PTPRT: variants seen among roughly 807,000 people sequenced by gnomAD.
The protein encoded by PTPRT is receptor-type tyrosine-protein phosphatase T.
A neutral mutation model predicts 176.8 loss-of-function variants in PTPRT; 56 were observed. The ratio of observed to expected loss-of-function variants is 0.32; its 90% CI spans 0.26 to 0.40. The LOEUF (loss-of-function observed/expected upper bound fraction) is 0.40. Among genes scored for constraint, PTPRT ranks in the 10% least tolerant of loss-of-function variants. The pLI is 1.00. For missense variants in PTPRT, 1,540 were observed against 1,908.2 expected (o/e 0.81, Z 3.60); for synonymous variants, 783 against 739.0 (o/e 1.06, Z -0.96).
intron 7 of PTPRT, among the ~76,000 whole-genome samples, chr20:42,620,152 T>C (rs1343015683): frequency 6.8e-6 from 1 of 147,512 alleles, no homozygotes; most frequent in African/African-American, 2.6e-5. Flanking sequence ...TTAGTTTTCC[T>C]TCTAACAGAC....
chr20:43,181,984 A>G (rs937289013), intron 1 of PTPRT, among the ~76,000 whole-genome samples: 3 of 152,188 alleles, frequency 2.0e-5, no homozygotes, highest in Non-Finnish European at 4.4e-5. Context: ...ATTACAGTCA[A>G]TCAGAGGAAG....
intron 21 of PTPRT, chr20:42,115,939 T>C (rs943821912): frequency 4.4e-6 from 3 of 683,136 alleles, no homozygotes; most frequent in African/African-American, 3.6e-5. Context: ...TCTCTGACCC[T>C]GGACGCGAGC....
In PTPRT at chr20:42,620,162, C is replaced by T. The variant is rs1030656302; in HGVS notation, c.1153+57704G>A. Among the ~76,000 whole-genome samples, 808 of 147,166 alleles carry T rather than the reference C, an allele frequency of 5.5e-3. 9 individuals carry two copies. Among genetic ancestry groups the T allele is most frequent in the African/African-American group, 0.02 (761 of 38,508 alleles). ...GTTTGTTAGTTTTCCTTCTAACAGA[C>T]AGGACCCTCAGCTGCAGGTCTGTTG... On this transcript the variant is annotated intron_variant, in intron 7 of 30. Coordinates refer to ENST00000373187, the MANE Select transcript of PTPRT (RefSeq NM_007050.6).
At chr20:42,430,872 T>C (rs1601012113) in intron 9 of PTPRT, among the ~76,000 whole-genome samples, 2 of 152,212 alleles carry the variant, frequency 1.3e-5, no homozygotes, top group Admixed American at 6.5e-5. Context: ...AAAGGCCTTC[T>C]TCCCAGACAT....
intron 22 of PTPRT, 46 bp downstream of exon 22, chr20:42,115,153 T>C: frequency 1.5e-6 from 2 of 1,378,902 alleles, no homozygotes; most frequent in Non-Finnish European, 2.1e-6. Context: ...ACAAACAAGC[T>C]GGCTCTCATG....
At chr20:42,739,872 G>A (rs1040247662) in intron 6 of PTPRT, among the ~76,000 whole-genome samples, 4 of 152,170 alleles carry the variant, frequency 2.6e-5, no homozygotes, top group Non-Finnish European at 5.9e-5. Flanking sequence ...ATGCCAGTGG[G>A]AGCCCCACCT....
At position 42,355,411 on chromosome 20, in the gene PTPRT, A is replaced by T. The variant is rs995504188; in HGVS notation, c.1561-3126T>A. ...CCCCATCTCAGGGTCTGCATCTGAG[A>T]ATGACCAAACTAAGGAAAAATGCTC... is the stretch of plus-strand genomic sequence containing the variant. On this transcript the variant is annotated intron_variant, in intron 9 of 30. Coordinates refer to ENST00000373187, the MANE Select transcript of PTPRT (RefSeq NM_007050.6). Among the ~76,000 whole-genome samples, 20 of 152,332 alleles carry T rather than the reference A, an allele frequency of 1.3e-4. 2 individuals are homozygous for T. The highest frequency in any genetic ancestry group is 9.8e-4 in the Admixed American group (15 of 15,302).
intron 7 of PTPRT, among the ~76,000 whole-genome samples, chr20:42,585,274 A>C (rs2073452846): frequency 6.6e-6 from 1 of 152,208 alleles, no homozygotes; most frequent in South Asian, 2.1e-4. Flanking sequence ...TTGTAGAAAG[A>C]ATGAATTAAT....
intron 1 of PTPRT, among the ~76,000 whole-genome samples, chr20:43,077,146 A>G (rs2011299831): frequency 6.6e-6 from 1 of 152,248 alleles, no homozygotes; most frequent in Non-Finnish European, 1.5e-5. Context: ...AATTTGATGA[A>G]TAAACAGATT....
intron 7 of PTPRT, among the ~76,000 whole-genome samples, chr20:42,591,906 G>A (rs926026170): frequency 1.3e-5 from 2 of 151,280 alleles, no homozygotes; most frequent in South Asian, 2.1e-4. Context: ...GGAGGATATA[G>A]CACAAACTTC....
intron 1 of PTPRT, among the ~76,000 whole-genome samples, chr20:43,080,636 G>A (rs2011414989): frequency 6.6e-6 from 1 of 152,190 alleles, no homozygotes; most frequent in Non-Finnish European, 1.5e-5. Context: ...CTGGGAAATG[G>A]CTGCCCAGCC....
Position 42,815,831 on chromosome 20 carries a change from A to T in PTPRT, c.215-24365T>A, listed in dbSNP as rs76371604. Among the ~76,000 whole-genome samples the T allele has an allele frequency of 1.5e-4, 23 of 152,342 alleles. No individual in the cohort carries two copies. In the East Asian group the frequency reaches 2.9e-3, roughly 19 times the overall value. The stretch of plus-strand genomic sequence containing the variant: ...AAATTTTTAAGAGTGATCTTTAGTC[A>T]AAAATTGTATACCCAGCAAAACTAT... On this transcript the variant is annotated intron_variant, in intron 2 of 30. Transcript: ENST00000373187.
At position 42,629,605 on chromosome 20, in the gene PTPRT, T is replaced by A. The variant is rs1376714058; in HGVS notation, c.1153+48261A>T. ...TATTCTGAGTGTTCCTCCAAACTTG[T>A]AGAACTCAATTTTTCTGGGGGAGAG... is the stretch of plus-strand genomic sequence containing the variant. On this transcript the variant is annotated intron_variant, in intron 7 of 30. Coordinates refer to ENST00000373187, the MANE Select transcript of PTPRT (RefSeq NM_007050.6). 2.6e-5 allele frequency among the ~76,000 whole-genome samples: 4 copies of A among 152,308 alleles called. No homozygotes were observed. In the East Asian group the frequency reaches 7.7e-4, roughly 29 times the overall value.
chr20:42,204,325 A>G (rs1028352061), intron 15 of PTPRT, among the ~76,000 whole-genome samples: 1 of 152,202 alleles, frequency 6.6e-6, no homozygotes, highest in Non-Finnish European at 1.5e-5. Context: ...TGCAATAGTC[A>G]TATGACTCAT....
intron 1 of PTPRT, among the ~76,000 whole-genome samples, chr20:43,150,108 T>C (rs1162079597): frequency 1.3e-5 from 2 of 152,148 alleles, no homozygotes; most frequent in South Asian, 2.1e-4. Context: ...CCATAAAACC[T>C]TGGAAGTACA....
intron 6 of PTPRT, among the ~76,000 whole-genome samples, chr20:42,755,134 G>GT (rs2076812628): frequency 6.6e-6 from 1 of 152,144 alleles, no homozygotes; most frequent in South Asian, 2.1e-4. Context: ...GGTCAGGGAA[G>GT]TTCTCTGGGA....
chr20:42,557,273 CCAGA>C (rs2072876739), intron 7 of PTPRT, among the ~76,000 whole-genome samples: 1 of 152,062 alleles, frequency 6.6e-6, no homozygotes, highest in African/African-American at 2.4e-5. Flanking sequence ...GCAATAGCAA[CCAGA>C]CAGTCTGCTC....
chr20:42,095,558 C>T (rs1985118564), intron 27 of PTPRT, among the ~76,000 whole-genome samples: 1 of 152,228 alleles, frequency 6.6e-6, no homozygotes, highest in Admixed American at 6.5e-5. Context: ...TAGGGCCCAC[C>T]TTGACAATCC....
intron 7 of PTPRT, among the ~76,000 whole-genome samples, chr20:42,621,252 C>T (rs955850364): frequency 2.0e-5 from 3 of 152,140 alleles, no homozygotes; most frequent in African/African-American, 7.2e-5. Flanking sequence ...TTGCCCACAC[C>T]AATTACCCTC....
Sources: gnomAD v4.1 joint callset for allele counts (sites outside exome capture counted in the v4.1 genomes callset) on GRCh38, gnomAD v4.1.1 for gene constraint, MANE v1.5 for transcripts, NCBI Gene and HGNC (gene_info 2026-07-23, HGNC 2026-07-21) for gene names.